PDLIM5: variants seen among roughly 807,000 people sequenced by gnomAD.
The protein encoded by PDLIM5 is PDZ and LIM domain protein 5.
In PDLIM5, 34 loss-of-function variants were observed where a neutral mutation model predicts 64.2. The observed-to-expected ratio is 0.53, with a 90% CI of 0.40 to 0.71. The LOEUF (loss-of-function observed/expected upper bound fraction) is 0.71, where lower values mean the gene tolerates loss of function less well. Among genes scored for constraint, PDLIM5 ranks in the 30% least tolerant of loss-of-function variants. The pLI is 0.00. For missense variants in PDLIM5, 683 were observed against 733.6 expected (o/e 0.93, Z 0.80); for synonymous variants, 253 against 269.1 (o/e 0.94, Z 0.59).
In PDLIM5 at chr4:94,532,345, G is replaced by T. The variant is rs576371330; in HGVS notation, c.248+8470G>T. Among the ~76,000 whole-genome samples the T allele has an allele frequency of 6.6e-5, 10 of 152,254 alleles. No homozygotes were observed. In the South Asian group the frequency reaches 1.9e-3, roughly 28 times the overall value. On this transcript the variant is annotated intron_variant, in intron 3 of 12. Coordinates refer to ENST00000317968, the MANE Select transcript of PDLIM5 (RefSeq NM_006457.5). The stretch of plus-strand genomic sequence containing the variant: ...CAAAAGTAACTATTTTAAAGGAAAG[G>T]CTAGCATGGGGAAGAAGAGAGAAGA...
chr4:94,517,076 A>G (rs1729426320), intron 2 of PDLIM5, among the ~76,000 whole-genome samples: 2 of 152,198 alleles, frequency 1.3e-5, no homozygotes, highest in Non-Finnish European at 2.9e-5. Flanking sequence ...CGGGGGGGAC[A>G]TCACATCACA....
rs1042715493 is a variant in PDLIM5, at chr4:94,667,545, C to T, written c.*3478C>T. ...GCATAGGTTATATGCAAATACTACA[C>T]CATTTTCTATAAGGGACTTGAACAT... On this transcript the variant is annotated 3_prime_UTR_variant, in exon 13 of 13. Coordinates refer to ENST00000317968, the MANE Select transcript of PDLIM5 (RefSeq NM_006457.5). 2.0e-5 allele frequency: 3 copies of T among 152,066 alleles called. No homozygotes were observed. Among genetic ancestry groups the T allele is most frequent in the African/African-American group, 7.2e-5 (3 of 41,390 alleles). 9.4% of individuals were successfully genotyped at this position (152,066 alleles called of 1,614,324 possible).
At chr4:94,470,724 A>G (rs1279736919) in intron 2 of PDLIM5, among the ~76,000 whole-genome samples, 2 of 152,220 alleles carry the variant, frequency 1.3e-5, no homozygotes, top group Non-Finnish European at 2.9e-5. Context: ...CAAAAATGTC[A>G]TCAGTATCAT....
intron 1 of PDLIM5, among the ~76,000 whole-genome samples, chr4:94,453,383 A>G (rs1723038678): frequency 1.3e-5 from 2 of 152,208 alleles, no homozygotes; most frequent in Admixed American, 1.3e-4. Flanking sequence ...GTGACTAGAA[A>G]TGAAATGACA....
intron 2 of PDLIM5, among the ~76,000 whole-genome samples, chr4:94,467,262 A>G (rs1178321221): frequency 1.3e-5 from 2 of 152,094 alleles, no homozygotes; most frequent in Non-Finnish European, 2.9e-5. Flanking sequence ...ATTGCAATCA[A>G]GTTTCTTCTA....
At chr4:94,509,633 C>T (rs941814682) in intron 2 of PDLIM5, among the ~76,000 whole-genome samples, 5 of 152,102 alleles carry the variant, frequency 3.3e-5, no homozygotes, top group African/African-American at 9.7e-5. Context: ...TATTAACTCA[C>T]GTGATCACAA....
intron 9 of PDLIM5, among the ~76,000 whole-genome samples, chr4:94,654,100 G>C (rs1277167086): frequency 6.6e-6 from 1 of 151,886 alleles, no homozygotes; most frequent in South Asian, 2.1e-4. Flanking sequence ...ATTTTTTTCT[G>C]GTTGCCTCAT....
At chr4:94,639,111 A>C (rs1740799154) in intron 8 of PDLIM5, among the ~76,000 whole-genome samples, 1 of 152,140 alleles carries the variant, frequency 6.6e-6, no homozygotes, top group African/African-American at 2.4e-5. Context: ...GTTACTAGGT[A>C]AATAGGAAGA....
intron 2 of PDLIM5, among the ~76,000 whole-genome samples, chr4:94,469,595 C>T (rs1275131078): frequency 6.6e-6 from 1 of 152,074 alleles, no homozygotes; most frequent in African/African-American, 2.4e-5. Context: ...AAAGAGGTTC[C>T]TGGTAATGAG....
intron 7 of PDLIM5, among the ~76,000 whole-genome samples, chr4:94,604,851 T>C (rs1021775849): frequency 3.9e-5 from 6 of 152,252 alleles, no homozygotes; most frequent in Non-Finnish European, 7.3e-5. Flanking sequence ...TTTCATGTTA[T>C]GTATTTTTTA....
chr4:94,668,078 AT>A lies in PDLIM5; in HGVS notation c.*4012del, dbSNP rs1189783738. On this transcript the variant is annotated 3_prime_UTR_variant, in exon 13 of 13. Coordinates refer to ENST00000317968, the MANE Select transcript of PDLIM5 (RefSeq NM_006457.5). ...TAAGTTGCCTTATCTGTTAATGTCT[AT>A]CTTCTGTCTCTTTAATTTTGTATAT... 2.0e-5 allele frequency: 3 copies of A among 152,128 alleles called. No homozygotes were observed. Among genetic ancestry groups the A allele is most frequent in the Admixed American group, 6.5e-5 (1 of 15,274 alleles). 9.4% of individuals were successfully genotyped at this position (152,128 alleles called of 1,614,324 possible).
intron 7 of PDLIM5, chr4:94,611,103 G>C: frequency 6.5e-7 from 1 of 1,534,576 alleles, no homozygotes; most frequent in Non-Finnish European, 8.7e-7. Flanking sequence ...CTCACTCCTG[G>C]ATGCACTTTG....
chr4:94,483,351 A>G (rs752327056), intron 2 of PDLIM5, among the ~76,000 whole-genome samples: 3 of 152,190 alleles, frequency 2.0e-5, no homozygotes, highest in South Asian at 2.1e-4. Flanking sequence ...AATAAACCCA[A>G]TGTACCCATC....
At chr4:94,567,868 G>A (rs1734471460) in intron 3 of PDLIM5, among the ~76,000 whole-genome samples, 1 of 152,098 alleles carries the variant, frequency 6.6e-6, no homozygotes, top group South Asian at 2.1e-4. Context: ...GTGCTGTGTG[G>A]TATGAATTTC....
intron 9 of PDLIM5, among the ~76,000 whole-genome samples, chr4:94,651,825 C>T (rs1446430911): frequency 1.3e-5 from 2 of 152,156 alleles, no homozygotes; most frequent in Non-Finnish European, 2.9e-5. Flanking sequence ...CCAGCAACAA[C>T]TTGCAGGAAG....
chr4:94,606,272 T>TATA (rs969891939), intron 7 of PDLIM5, among the ~76,000 whole-genome samples: 9 of 152,182 alleles, frequency 5.9e-5, no homozygotes, highest in African/African-American at 2.2e-4. Context: ...ACACAAATTG[T>TATA]ATAATAATAA....
chr4:94,510,597 T>C (rs998920063), intron 2 of PDLIM5, among the ~76,000 whole-genome samples: 1 of 152,202 alleles, frequency 6.6e-6, no homozygotes, highest in Non-Finnish European at 1.5e-5. Flanking sequence ...AGTCCTAATT[T>C]TGTTGCTGTT....
intron 2 of PDLIM5, chr4:94,455,852 A>G: frequency 7.2e-7 from 1 of 1,389,438 alleles, no homozygotes; most frequent in Non-Finnish European, 9.9e-7. Flanking sequence ...GCCAACAGTA[A>G]GATGGCCAAA....
Position 94,659,131 on chromosome 4 carries a change from G to A in PDLIM5, c.1585+1584G>A, listed in dbSNP as rs1365084751. ...ATGTCACATCTAATCAACTTGGTCT[G>A]TTTTTGTTCTTTTTCTTCTTTTAAC... On this transcript the variant is annotated intron_variant, in intron 11 of 12. Coordinates refer to ENST00000317968, the MANE Select transcript of PDLIM5 (RefSeq NM_006457.5). Among the ~76,000 whole-genome samples, 8 of 152,180 alleles carry A rather than the reference G, an allele frequency of 5.3e-5. No individual in the cohort carries two copies. The Middle Eastern group carries it at 0.014, about 259-fold the overall frequency.
Sources: allele counts gnomAD v4.1 joint callset (sites outside exome capture counted in the v4.1 genomes callset), GRCh38; gene constraint gnomAD v4.1.1; transcripts MANE v1.5; gene names NCBI Gene and HGNC (gene_info 2026-07-23, HGNC 2026-07-21).